ASB5: variants seen among roughly 807,000 people sequenced by gnomAD.
The protein encoded by ASB5 is ankyrin repeat and SOCS box containing 5.
ASB5 carries 45 observed loss-of-function variants against 42.1 expected under a neutral mutation model. The observed-to-expected ratio is 1.07, with a 90% CI of 0.84 to 1.37. The LOEUF (loss-of-function observed/expected upper bound fraction) is 1.37, where lower values mean the gene tolerates loss of function less well. Among genes scored for constraint, ASB5 ranks in the 40% most tolerant of loss-of-function variants. ASB5 has a pLI of 0.00. For missense variants in ASB5, 402 were observed against 399.8 expected, an observed-to-expected ratio of 1.01 and a Z score of -0.05; for synonymous variants, 147 against 150.6, an observed-to-expected ratio of 0.98 and a Z score of 0.18.
chr4:176,218,659 ATGATATATAAATATATATATAT>A, intron 5 of ASB5, among the ~76,000 whole-genome samples: 2 of 85,562 alleles, frequency 2.3e-5, no homozygotes, highest in South Asian at 7.0e-4. Flanking sequence ...ATATATTTGT[ATGATATATAAATATATATATAT>A]TTGTATGATA....
At position 176,225,308 on chromosome 4, in the gene ASB5, G is replaced by A. The variant is rs1391760959; in HGVS notation, c.230C>T (p.Ala77Val). ...SWADRSPLHE[A>V]ASQGRLLALR... is the part of the protein sequence containing the mutation. The stretch of plus-strand genomic sequence containing the variant: ...AGCAAGAAGGCGACCTTGACTTGCT[G>A]CTTCATGTAGTGGTGATCGATCTGC... The change falls in exon 2 of 7, where the codon GCA (alanine) becomes GTA (valine). Residue 77 changes from alanine to valine, a missense_variant. Transcript: ENST00000296525. 6.2e-7 allele frequency: 1 copy of A among 1,614,068 alleles called. No individual in the cohort carries two copies. Among genetic ancestry groups the A allele is most frequent in the African/African-American group, 1.3e-5 (1 of 75,026 alleles).
chr4:176,255,235 G>A (rs375210818), intron 1 of ASB5, among the ~76,000 whole-genome samples: 70 of 152,254 alleles, frequency 4.6e-4, no homozygotes, highest in African/African-American at 1.4e-3. Context: ...GGGAAGCTGC[G>A]GAGAAATGGG....
At chr4:176,232,679 ACCACAGAG>A (rs1181525062) in intron 1 of ASB5, among the ~76,000 whole-genome samples, 1 of 152,190 alleles carries the variant, frequency 6.6e-6, no homozygotes, top group Non-Finnish European at 1.5e-5. Context: ...CTTTCAGACA[ACCACAGAG>A]CCACAGAAAT....
intron 1 of ASB5, among the ~76,000 whole-genome samples, chr4:176,227,619 G>T (rs1435045848): frequency 6.6e-6 from 1 of 152,094 alleles, no homozygotes; most frequent in African/African-American, 2.4e-5. Flanking sequence ...TGAGGTTGGC[G>T]CTATTATTAT....
intron 1 of ASB5, among the ~76,000 whole-genome samples, chr4:176,248,124 AT>A (rs1326869592): frequency 1.3e-5 from 2 of 152,020 alleles, no homozygotes; most frequent in Non-Finnish European, 2.9e-5. Flanking sequence ...GCAATTTTTT[AT>A]TTTTTATCTT....
chr4:176,245,775 T>C (rs1011644249), intron 1 of ASB5, among the ~76,000 whole-genome samples: 2 of 152,132 alleles, frequency 1.3e-5, no homozygotes, highest in South Asian at 2.1e-4. Context: ...GAAACCATCA[T>C]TCTGAGCAAA....
chr4:176,243,666 C>A (rs1328325750), intron 1 of ASB5, among the ~76,000 whole-genome samples: 1 of 151,812 alleles, frequency 6.6e-6, no homozygotes, highest in African/African-American at 2.4e-5. Flanking sequence ...CTATGCCTGG[C>A]TAATTTTTTG....
chr4:176,251,873 G>A (rs1156467932), intron 1 of ASB5, among the ~76,000 whole-genome samples: 3 of 151,252 alleles, frequency 2.0e-5, no homozygotes, highest in South Asian at 2.1e-4. Flanking sequence ...ACCACCCTGG[G>A]CAAGCAACAT....
Position 176,219,575 on chromosome 4 carries a change from GATATATATATATATATATAT to G in ASB5, c.670+1560_670+1579del, listed in dbSNP as rs71597433. ...TATATAAATATGTATATATTTGTAT[GATATATATATATATATATAT>G]ATATATATATATATATATATATAGG... On this transcript the variant is annotated intron_variant, in intron 5 of 6. Transcript: ENST00000296525. Among the ~76,000 whole-genome samples, 8 of 6,002 alleles carry G rather than the reference GATATATATATATATATATAT, an allele frequency of 1.3e-3. 1 individual carries two copies. Among genetic ancestry groups the G allele is most frequent in the Admixed American group, 3.8e-3 (1 of 260 alleles). 3.9% of individuals were successfully genotyped at this position (6,002 alleles called of 152,430 possible). A position where few individuals can be genotyped will look rare whatever the true frequency, so the allele number is the denominator to read the frequency against.
intron 1 of ASB5, among the ~76,000 whole-genome samples, chr4:176,231,543 CG>C (rs1368103581): frequency 1.3e-5 from 2 of 148,160 alleles, no homozygotes; most frequent in East Asian, 4.0e-4. Flanking sequence ...TCTTTGTGGC[CG>C]GGGGTGGGTG....
Position 176,238,202 on chromosome 4 carries a change from G to A in ASB5, c.197-12861C>T, listed in dbSNP as rs1753733016. ...AGCCTGGGCGACAGAAGGAGACTCC[G>A]TCTCAAAAAAAAAAAAAAAAAAAAA... On this transcript the variant is annotated intron_variant, in intron 1 of 6. Transcript: ENST00000296525. Among the ~76,000 whole-genome samples the A allele has an allele frequency of 1.0e-4, 8 of 79,184 alleles. No homozygotes were observed. The South Asian group carries it at 2.4e-3, about 24-fold the overall frequency. 51.9% of individuals were successfully genotyped at this position (79,184 alleles called of 152,430 possible).
At chr4:176,263,455 G>A (rs146316350) in intron 1 of ASB5, among the ~76,000 whole-genome samples, 42 of 151,874 alleles carry the variant, frequency 2.8e-4, no homozygotes, top group African/African-American at 9.4e-4. Context: ...AAAGTGTTTA[G>A]GCATTTCTGA....
chr4:176,253,573 C>T (rs1054813160), intron 1 of ASB5, among the ~76,000 whole-genome samples: 1 of 152,140 alleles, frequency 6.6e-6, no homozygotes, highest in African/African-American at 2.4e-5. Context: ...AAATAAAAGG[C>T]ATCCAAATAG....
chr4:176,256,816 G>C (rs1368242415), intron 1 of ASB5, among the ~76,000 whole-genome samples: 1 of 152,106 alleles, frequency 6.6e-6, no homozygotes, highest in Non-Finnish European at 1.5e-5. Context: ...GCTTGCACCT[G>C]TAGTCCCAGC....
rs1752909498 is a variant in ASB5 at position 176,214,312 on chromosome 4, T to C, written c.*1288A>G. 6.6e-6 allele frequency: 1 copy of C among 152,152 alleles called. No individual in the cohort carries two copies. Among genetic ancestry groups the C allele is most frequent in the Non-Finnish European group, 1.5e-5 (1 of 68,006 alleles). The allele number at this position is 152,152 out of a possible 1,614,324, so 9.4% of individuals were successfully genotyped here. On this transcript the variant is annotated 3_prime_UTR_variant, in exon 7 of 7. Coordinates refer to ENST00000296525, the MANE Select transcript of ASB5 (RefSeq NM_080874.4). Reference sequence around the variant, plus strand: ...TTACTTTATCAAAATTTAATAAATCTATAAAACTCACCCAAAGTTGCTTTT... The same window carrying C: ...TTACTTTATCAAAATTTAATAAATCCATAAAACTCACCCAAAGTTGCTTTT...
intron 1 of ASB5, among the ~76,000 whole-genome samples, chr4:176,241,994 G>A (rs190696553): frequency 1.1e-4 from 17 of 152,204 alleles, no homozygotes; most frequent in South Asian, 8.3e-4. Flanking sequence ...CCTGGGACGC[G>A]GAAGGGTCAA....
chr4:176,249,233 T>G (rs534535996), intron 1 of ASB5, among the ~76,000 whole-genome samples: 1 of 152,280 alleles, frequency 6.6e-6, no homozygotes, highest in East Asian at 1.9e-4. Flanking sequence ...TCCCAAAGTG[T>G]TGGGATTACA....
intron 2 of ASB5, among the ~76,000 whole-genome samples, chr4:176,275,248 G>A (rs746377632): frequency 2.0e-4 from 31 of 151,992 alleles, no homozygotes; most frequent in Non-Finnish European, 4.1e-4. Context: ...TCTTATACAC[G>A]TGTATGAATT....
At position 176,223,782 on chromosome 4, in the gene ASB5, G is replaced by A. The variant is rs116015459; in HGVS notation, c.277-1362C>T. On this transcript the variant is annotated intron_variant, in intron 2 of 6. Coordinates refer to ENST00000296525, the MANE Select transcript of ASB5 (RefSeq NM_080874.4). Reference sequence around the variant, plus strand: ...GAAGGCCAAGACTCCCTTTCACATCGGGCTCTGGGGACAGCCTCTCATGAT... The same window carrying A: ...GAAGGCCAAGACTCCCTTTCACATCAGGCTCTGGGGACAGCCTCTCATGAT... 4.1e-3 allele frequency among the ~76,000 whole-genome samples: 629 copies of A among 152,262 alleles called. 2 individuals are homozygous for A. The highest frequency in any genetic ancestry group is 0.014 in the African/African-American group (570 of 41,542).
Sources: allele counts gnomAD v4.1 joint callset (sites outside exome capture counted in the v4.1 genomes callset), GRCh38; gene constraint gnomAD v4.1.1; transcripts MANE v1.5; gene names NCBI Gene and HGNC (gene_info 2026-07-23, HGNC 2026-07-21).